The following IFT80 variants were observed in gnomAD, a reference collection of about 807,000 sequenced individuals.
IFT80 encodes the protein intraflagellar transport protein 80 homolog.
A neutral mutation model predicts 107.9 loss-of-function variants in IFT80; 79 were observed. The ratio of observed to expected loss-of-function variants is 0.73; its 90% confidence interval spans 0.61 to 0.88. The LOEUF (loss-of-function observed/expected upper bound fraction) is 0.88. Among genes scored for constraint, IFT80 ranks in the 40% least tolerant of loss-of-function variants. The probability of loss-of-function intolerance (pLI) is 0.00; values close to 1 mark genes in which losing one functional copy is unlikely to be tolerated. For synonymous variants in IFT80, 299 were observed against 300.9 expected (o/e 0.99, Z 0.07); for missense variants, 797 against 914.2 (o/e 0.87, Z 1.65).
Position 160,279,267 on chromosome 3 carries a change from A to G in IFT80, c.1762T>C (p.Tyr588His). The change falls in exon 16 of 20, where the codon TAT becomes CAT. Residue 588 changes from tyrosine (Y) to histidine (H), a missense_variant. By Grantham distance (83) the Tyr-to-His change is moderately conservative. Coordinates refer to ENST00000326448, the MANE Select transcript of IFT80 (RefSeq NM_020800.3). ...ACATATTCATGGAGAATAGCAGGAT[A>G]TGGTGTTATGCTGATGTGAACCAGG... ...GSLVHISITP[Y>H]PAILHEYVSS... 6.2e-7 allele frequency: 1 copy of G among 1,613,236 alleles called. No individual in the cohort carries two copies. Among genetic ancestry groups the G allele is most frequent in the Non-Finnish European group, 8.5e-7 (1 of 1,179,240 alleles).
intron 2 of IFT80, among the ~76,000 whole-genome samples, chr3:160,383,015 T>C (rs572397669): frequency 2.0e-5 from 3 of 152,164 alleles, no homozygotes; most frequent in Non-Finnish European, 4.4e-5. Flanking sequence ...GCCTAAACAA[T>C]GTTAGGTAAA....
intron 12 of IFT80, among the ~76,000 whole-genome samples, chr3:160,295,797 A>C (rs1263922842): frequency 6.6e-6 from 1 of 152,242 alleles, no homozygotes; most frequent in Admixed American, 6.5e-5. Flanking sequence ...GTATATGTAC[A>C]ATGGATTATT....
chr3:160,376,961 C>A (rs1712074254), intron 4 of IFT80, among the ~76,000 whole-genome samples: 1 of 152,140 alleles, frequency 6.6e-6, no homozygotes. Context: ...CAGACAGAAC[C>A]ACCCACCTAA....
chr3:160,339,874 A>T (rs768796213), intron 8 of IFT80, among the ~76,000 whole-genome samples: 1 of 152,224 alleles, frequency 6.6e-6, no homozygotes, highest in Non-Finnish European at 1.5e-5. Context: ...AGATTTAGCA[A>T]CGTATTTTTG....
At chr3:160,387,707 G>T (rs1713049114) in intron 1 of IFT80, among the ~76,000 whole-genome samples, 1 of 152,124 alleles carries the variant, frequency 6.6e-6, no homozygotes, top group Admixed American at 6.5e-5. Context: ...ATATAATACA[G>T]TAAGTCTGGA....
intron 7 of IFT80, among the ~76,000 whole-genome samples, 158 bp from the exon 8 acceptor site, chr3:160,356,308 A>T (rs1258423044): frequency 1.3e-5 from 2 of 152,230 alleles, no homozygotes; most frequent in Non-Finnish European, 2.9e-5. Context: ...TTTAGAAATC[A>T]GCACCTTATA....
chr3:160,260,725 T>A (rs1195573439), intron 19 of IFT80, among the ~76,000 whole-genome samples: 1 of 152,210 alleles, frequency 6.6e-6, no homozygotes, highest in South Asian at 2.1e-4. Flanking sequence ...CTAAAATCCA[T>A]CTTTTGCTAG....
At chr3:160,286,739 A>C (rs529261491) in intron 12 of IFT80, among the ~76,000 whole-genome samples, 1 of 152,340 alleles carries the variant, frequency 6.6e-6, no homozygotes, top group East Asian at 1.9e-4. Flanking sequence ...CCGCAAAGGA[A>C]AAACATGTTG....
intron 1 of IFT80, among the ~76,000 whole-genome samples, chr3:160,390,468 C>G (rs1713294339): frequency 2.0e-5 from 3 of 151,020 alleles, no homozygotes; most frequent in Admixed American, 1.3e-4. Flanking sequence ...AGGAAACAAC[C>G]AGATTTAAGT....
At chr3:160,354,379 G>A (rs1720916614) in intron 8 of IFT80, among the ~76,000 whole-genome samples, 1 of 152,168 alleles carries the variant, frequency 6.6e-6, no homozygotes, top group East Asian at 1.9e-4. Flanking sequence ...GCCGGGCTGG[G>A]TGGCTCACAG....
chr3:160,357,639 T>C, intron 6 of IFT80, 61 bp from the exon 7 acceptor site: 1 of 1,088,022 alleles, frequency 9.2e-7, no homozygotes, highest in Non-Finnish European at 1.4e-6. Flanking sequence ...TTTTTTTCTG[T>C]AAGAAATATA....
chr3:160,265,276 T>C (rs1053818434), intron 19 of IFT80, among the ~76,000 whole-genome samples: 1 of 152,226 alleles, frequency 6.6e-6, no homozygotes, highest in Non-Finnish European at 1.5e-5. Context: ...CTCCTCACTA[T>C]TAACAATTCC....
chr3:160,327,915 G>A (rs760677278), intron 8 of IFT80, among the ~76,000 whole-genome samples: 6 of 152,106 alleles, frequency 3.9e-5, no homozygotes, highest in Admixed American at 1.3e-4. Flanking sequence ...TACAGAATGG[G>A]AGAAAATTTT....
chr3:160,275,695 G>C (rs184552345), intron 18 of IFT80, among the ~76,000 whole-genome samples: 10 of 152,172 alleles, frequency 6.6e-5, no homozygotes, highest in Non-Finnish European at 1.5e-4. Context: ...AGCAAGAGTA[G>C]TGTCTACGAT....
At chr3:160,360,459 C>T (rs1048219515) in intron 6 of IFT80, among the ~76,000 whole-genome samples, 2 of 152,120 alleles carry the variant, frequency 1.3e-5, no homozygotes, top group African/African-American at 2.4e-5. Context: ...AGAACTTCCC[C>T]AACCTAGCAA....
At chr3:160,306,416 G>T (rs935713968) in intron 10 of IFT80, among the ~76,000 whole-genome samples, 2 of 152,098 alleles carry the variant, frequency 1.3e-5, no homozygotes, top group East Asian at 3.8e-4. Context: ...AAAGATCTCT[G>T]TTTTCCCCTG....
At chr3:160,368,849 T>C (rs1028709429) in intron 5 of IFT80, among the ~76,000 whole-genome samples, 6 of 151,998 alleles carry the variant, frequency 3.9e-5, no homozygotes, top group Admixed American at 6.6e-5. Flanking sequence ...AGTAAAATTA[T>C]ACTTTCCTGG....
In IFT80 at chr3:160,345,959, T is replaced by C. The variant is rs563533615; in HGVS notation, c.777+10054A>G. 6.6e-5 allele frequency among the ~76,000 whole-genome samples: 10 copies of C among 152,296 alleles called. No individual in the cohort carries two copies. The South Asian group carries it at 1.7e-3, about 25-fold the overall frequency. ...GGAATGGATACCCCATTTTCTGTGA[T>C]ATGATTATTATACATTGCATGCCTG... On this transcript the variant is annotated intron_variant, in intron 8 of 19. Coordinates refer to ENST00000326448, the MANE Select transcript of IFT80 (RefSeq NM_020800.3).
Position 160,280,721 on chromosome 3 carries a change from G to C in IFT80, c.1610C>G (p.Thr537Arg), listed in dbSNP as rs149274965. The stretch of plus-strand genomic sequence containing the variant: ...CAAAATGTCTCTGTCCACATAAACT[G>C]TATTGGGGTAATACCACACTATAAA... ...TRFIVWYYPN[T>R]VYVDRDILPK... Residue 537 changes from threonine to arginine, a missense_variant, in exon 15 of 20, where the codon ACA (threonine) becomes AGA (arginine). Thr to Arg is a moderately conservative substitution (Grantham distance 71). Transcript: ENST00000326448. The C allele has an allele frequency of 1.2e-6, 2 of 1,612,310 alleles. No individual in the cohort carries two copies. Among genetic ancestry groups the C allele is most frequent in the East Asian group, 2.2e-5 (1 of 44,812 alleles).
Sources: gnomAD v4.1 joint callset for allele counts (sites outside exome capture counted in the v4.1 genomes callset) on GRCh38, gnomAD v4.1.1 for gene constraint, MANE v1.5 for transcripts, NCBI Gene and HGNC (gene_info 2026-07-23, HGNC 2026-07-21) for gene names.